Variants in TCF20 observed in about 807,000 individuals in gnomAD.
The protein encoded by TCF20 is SPRE-binding protein.
In TCF20, 3 loss-of-function variants were observed where a neutral mutation model predicts 148.6. The ratio of observed to expected loss-of-function variants is 0.02; its 90% CI spans 0.01 to 0.05. The LOEUF (loss-of-function observed/expected upper bound fraction) is 0.05. Among genes scored for constraint, TCF20 ranks in the 10% least tolerant of loss-of-function variants. The probability of loss-of-function intolerance (pLI) is 1.00; values close to 1 mark genes in which losing one functional copy is unlikely to be tolerated. For missense variants in TCF20, 2,350 were observed against 2,429.3 expected (o/e 0.97, Z 0.69); for synonymous variants, 1,049 against 909.5 (o/e 1.15, Z -2.76).
intron 2 of TCF20, among the ~76,000 whole-genome samples, chr22:42,195,784 G>C (rs1032842132): frequency 2.6e-5 from 4 of 152,080 alleles, no homozygotes; most frequent in African/African-American, 9.7e-5. Context: ...ACAGGTGTGA[G>C]CCACCATGCC....
At chr22:42,245,977 T>C (rs192710677) in intron 1 of TCF20, among the ~76,000 whole-genome samples, 62 of 152,294 alleles carry the variant, frequency 4.1e-4, no homozygotes, top group African/African-American at 1.4e-3. Flanking sequence ...ACAATACTGT[T>C]GAACACCCTG....
chr22:42,310,111 A>T (rs1176011213), intron 1 of TCF20, among the ~76,000 whole-genome samples: 1 of 152,234 alleles, frequency 6.6e-6, no homozygotes, highest in Admixed American at 6.5e-5. Flanking sequence ...AAAGGGGCAG[A>T]TGAGGAGGAA....
upstream of TCF20, among the ~76,000 whole-genome samples, chr22:42,273,360 CAAAAAAAA>C (rs35166029): frequency 3.4e-4 from 21 of 61,266 alleles, no homozygotes; most frequent in African/African-American, 6.9e-4. Flanking sequence ...AACTCCGTCT[CAAAAAAAA>C]AAAAAAAAAA....
rs1331945302 is a variant in TCF20 at position 42,160,215 on chromosome 22, T to C, written c.*1188A>G. On this transcript the variant is annotated 3_prime_UTR_variant, in exon 6 of 6. Transcript: ENST00000677622. ...TTAAAACTCAGATATTTAAAAATTA[T>C]ACAATTTACAAAACAAAACAACACA... The C allele has an allele frequency of 2.0e-5, 3 of 152,608 alleles. No individual in the cohort carries two copies. The highest frequency in any genetic ancestry group is 4.8e-5 in the African/African-American group (2 of 41,444). 9.5% of individuals were successfully genotyped at this position (152,608 alleles called of 1,614,324 possible).
At position 42,222,516 on chromosome 22, in the gene TCF20, AC is replaced by A. The variant is rs540168050; in HGVS notation, c.-36-7176del. Among the ~76,000 whole-genome samples, 439 of 152,168 alleles carry A rather than the reference AC, an allele frequency of 2.9e-3. 1 individual carries two copies. Among genetic ancestry groups the A allele is most frequent in the Non-Finnish European group, 5.3e-3 (363 of 68,002 alleles). On this transcript the variant is annotated intron_variant, in intron 1 of 5. Transcript: ENST00000677622. ...CCCCCATAGGCCCTGAAGCCCTGTG[AC>A]ATCTTCCCAACACAATTTCTGCTTC...
At chr22:42,176,656 A>T (rs1045698957) in intron 3 of TCF20, among the ~76,000 whole-genome samples, 3 of 152,222 alleles carry the variant, frequency 2.0e-5, no homozygotes, top group African/African-American at 7.2e-5. Flanking sequence ...GACCACAGGC[A>T]TTATGGGGGC....
At chr22:42,256,468 C>T (rs969322563) in intron 1 of TCF20, among the ~76,000 whole-genome samples, 18 of 151,140 alleles carry the variant, frequency 1.2e-4, no homozygotes, top group African/African-American at 4.4e-4. Context: ...GCCAATGTAG[C>T]AAAGTTTTTT....
chr22:42,337,821 G>A (rs961724679), intron 1 of TCF20, among the ~76,000 whole-genome samples: 6 of 152,176 alleles, frequency 3.9e-5, no homozygotes, highest in African/African-American at 1.4e-4. Context: ...GACCTTATCC[G>A]CAATCCTCCA....
Position 42,211,824 on chromosome 22 carries a change from C to T in TCF20, c.3482G>A (p.Gly1161Glu). The T allele has an allele frequency of 6.2e-7, 1 of 1,614,212 alleles. No individual in the cohort carries two copies. Residue 1161 changes from glycine to glutamate, a missense_variant, in exon 2 of 6, where the codon GGG (glycine) becomes GAG (glutamate). Gly to Glu is a moderately conservative substitution (Grantham distance 98). Coordinates refer to ENST00000677622, the MANE Select transcript of TCF20 (RefSeq NM_001378418.1). ...TYHDPSAQEA[G>E]RCLMSSDGLP... ...ACCATCACTAGACATTAGGCAGCGC[C>T]CAGCCTCCTGGGCACTGGGGTCATG...
chr22:42,309,129 C>T (rs957530000), intron 1 of TCF20, among the ~76,000 whole-genome samples: 13 of 152,190 alleles, frequency 8.5e-5, no homozygotes, highest in African/African-American at 3.1e-4. Context: ...GGCGGTGGAC[C>T]ATGCCCACTC....
chr22:42,295,398 G>A (rs999272685), intron 1 of TCF20, among the ~76,000 whole-genome samples: 3 of 151,754 alleles, frequency 2.0e-5, no homozygotes, highest in Admixed American at 1.3e-4. Flanking sequence ...CCTCTGCCCT[G>A]GCTGTCCCCC....
upstream of TCF20, among the ~76,000 whole-genome samples, chr22:42,286,954 C>G (rs1927043310): frequency 6.6e-6 from 1 of 151,980 alleles, no homozygotes; most frequent in Non-Finnish European, 1.5e-5. Flanking sequence ...GATCCCAGGC[C>G]AGGAGCAAAA....
At chr22:42,340,914 C>T (rs1257235930) in intron 1 of TCF20, among the ~76,000 whole-genome samples, 1 of 141,526 alleles carries the variant, frequency 7.1e-6, no homozygotes, top group Non-Finnish European at 1.6e-5. Context: ...AGCCCGCAGC[C>T]GGCTCCTTTC....
At chr22:42,202,496 A>T (rs1057163189) in intron 2 of TCF20, among the ~76,000 whole-genome samples, 1 of 152,252 alleles carries the variant, frequency 6.6e-6, no homozygotes, top group Non-Finnish European at 1.5e-5. Flanking sequence ...CATATGAAGC[A>T]GTGTGACTCT....
chr22:42,198,665 G>T (rs1185546904), intron 2 of TCF20, among the ~76,000 whole-genome samples: 1 of 140,580 alleles, frequency 7.1e-6, no homozygotes, highest in African/African-American at 2.6e-5. Context: ...ATTTTTCCAA[G>T]TTTTTTTTTT....
chr22:42,274,620 G>C (rs182014259), upstream of TCF20: 2 of 152,394 alleles, frequency 1.3e-5, no homozygotes, highest in Admixed American at 1.3e-4. Context: ...CAGGGCCTTA[G>C]AGCATTGACA....
At chr22:42,243,551 G>A (rs970480087) in intron 1 of TCF20, among the ~76,000 whole-genome samples, 3 of 152,006 alleles carry the variant, frequency 2.0e-5, no homozygotes, top group Non-Finnish European at 2.9e-5. Flanking sequence ...GCAGTGAGCT[G>A]AGATCACACC....
intron 1 of TCF20, among the ~76,000 whole-genome samples, chr22:42,224,534 C>CA (rs66858906): frequency 0.021 from 827 of 39,544 alleles, 129 homozygotes; most frequent in African/African-American, 0.028. Flanking sequence ...AAAGCTGGTA[C>CA]AAAAAAAAAA....
intron 1 of TCF20, among the ~76,000 whole-genome samples, chr22:42,220,203 C>G (rs1302837618): frequency 6.6e-6 from 1 of 152,162 alleles, no homozygotes; most frequent in African/African-American, 2.4e-5. Flanking sequence ...GAGTCTCACT[C>G]TGTTGCCCAG....
Sources: gnomAD v4.1 joint callset for allele counts (sites outside exome capture counted in the v4.1 genomes callset) on GRCh38, gnomAD v4.1.1 for gene constraint, MANE v1.5 for transcripts, NCBI Gene and HGNC (gene_info 2026-07-23, HGNC 2026-07-21) for gene names.